CSMD1: variants seen among roughly 807,000 people sequenced by gnomAD.
CSMD1 encodes CUB and sushi domain-containing protein 1.
In CSMD1, 213 loss-of-function variants were observed where a neutral mutation model predicts 417.5. The observed-to-expected ratio is 0.51, with a 90% CI of 0.46 to 0.57. The LOEUF is 0.57. Ranked by LOEUF, CSMD1 falls within the 20% of genes least tolerant of loss-of-function variation. The pLI is 0.00. For synonymous variants in CSMD1, 2,862 were observed against 1,736.8 expected (o/e 1.65, Z -16.11); for missense variants, 6,923 against 4,529.7 (o/e 1.53, Z -15.17).
chr8:4,059,828 G>C (rs957556054), intron 3 of CSMD1, among the ~76,000 whole-genome samples: 3 of 149,910 alleles, frequency 2.0e-5, no homozygotes, highest in Admixed American at 6.6e-5. Context: ...AAGAGTCCAG[G>C]ACCAGATGGA....
In CSMD1 at chr8:3,315,488, T is replaced by TTATC. The variant is rs1328944889; in HGVS notation, c.3632-6986_3632-6985insGATA. On this transcript the variant is annotated intron_variant, in intron 23 of 69. Transcript: ENST00000635120. Reference sequence around the variant, plus strand: ...ATTTTTAAACTATCTTTTAAATTATTTATGGTTTTTTAAGCTACAGATGCT... The same window carrying TTATC: ...ATTTTTAAACTATCTTTTAAATTATTTATCTATGGTTTTTTAAGCTACAGATGCT... Among the ~76,000 whole-genome samples, 255 of 146,748 alleles carry TTATC rather than the reference T, an allele frequency of 1.7e-3. 1 individual carries two copies. The highest frequency in any genetic ancestry group is 6.1e-3 in the African/African-American group (242 of 39,996).
At chr8:4,031,789 G>A in intron 4 of CSMD1, 116 bp downstream of exon 4, 2 of 718,708 alleles carry the variant, frequency 2.8e-6, no homozygotes, top group South Asian at 2.9e-5. Flanking sequence ...AGCTGACATT[G>A]TAAGAGTCAG....
intron 12 of CSMD1, among the ~76,000 whole-genome samples, chr8:3,431,580 G>A (rs1282535445): frequency 6.6e-6 from 1 of 151,980 alleles, no homozygotes; most frequent in Non-Finnish European, 1.5e-5. Flanking sequence ...TACTTTACTT[G>A]AATTTTCTTC....
At chr8:4,339,850 C>T (rs1488441487) in intron 3 of CSMD1, among the ~76,000 whole-genome samples, 1 of 151,954 alleles carries the variant, frequency 6.6e-6, no homozygotes, top group Non-Finnish European at 1.5e-5. Flanking sequence ...AAAGTAAGAC[C>T]TCATCTCTAC....
intron 7 of CSMD1, among the ~76,000 whole-genome samples, chr8:3,705,150 G>C (rs879298567): frequency 6.6e-6 from 1 of 152,218 alleles, no homozygotes; most frequent in Non-Finnish European, 1.5e-5. Flanking sequence ...CACCACCAGG[G>C]ACAGGGCAGT....
intron 10 of CSMD1, among the ~76,000 whole-genome samples, chr8:3,555,096 A>G (rs949132000): frequency 1.3e-5 from 2 of 151,972 alleles, no homozygotes; most frequent in African/African-American, 4.8e-5. Context: ...CAGCCGTAGG[A>G]CCCGTGACAG....
chr8:4,047,222 G>C (rs914045401), intron 3 of CSMD1, among the ~76,000 whole-genome samples: 6 of 152,122 alleles, frequency 3.9e-5, no homozygotes, highest in Non-Finnish European at 8.8e-5. Context: ...ATTTCAGTCT[G>C]ACTCTAGTGT....
chr8:4,183,831 C>T (rs781268105), intron 3 of CSMD1, among the ~76,000 whole-genome samples: 1 of 152,178 alleles, frequency 6.6e-6, no homozygotes, highest in African/African-American at 2.4e-5. Context: ...TGTCTCCCCT[C>T]CTGGATTGCC....
At chr8:4,025,897 T>G (rs1313762390) in intron 4 of CSMD1, among the ~76,000 whole-genome samples, 1 of 152,082 alleles carries the variant, frequency 6.6e-6, no homozygotes, top group Non-Finnish European at 1.5e-5. Flanking sequence ...TATAATACAT[T>G]TAGGTGTCAT....
At chr8:3,248,725 G>T (rs947652131) in intron 26 of CSMD1, among the ~76,000 whole-genome samples, 1 of 151,940 alleles carries the variant, frequency 6.6e-6, no homozygotes, top group Non-Finnish European at 1.5e-5. Context: ...CTGCCAAACA[G>T]CTTTGACTAA....
chr8:4,358,435 T>A (rs1279766937), intron 3 of CSMD1, among the ~76,000 whole-genome samples: 1 of 152,238 alleles, frequency 6.6e-6, no homozygotes, highest in African/African-American at 2.4e-5. Flanking sequence ...CAAATTTCAG[T>A]GTCCACACAG....
intron 5 of CSMD1, among the ~76,000 whole-genome samples, chr8:3,848,543 T>A (rs1338980216): frequency 3.3e-5 from 5 of 152,222 alleles, no homozygotes; most frequent in Non-Finnish European, 5.9e-5. Flanking sequence ...ATTTACTCAA[T>A]ACCACTTTAA....
chr8:3,965,598 T>C (rs945583520), intron 5 of CSMD1, among the ~76,000 whole-genome samples: 16 of 152,046 alleles, frequency 1.1e-4, no homozygotes, highest in African/African-American at 3.4e-4. Context: ...GTTATGATTT[T>C]TTAAAATTTC....
Position 3,932,072 on chromosome 8 carries a change from T to C in CSMD1, c.818+65831A>G, listed in dbSNP as rs183914322. Among the ~76,000 whole-genome samples the C allele has an allele frequency of 1.4e-4, 21 of 150,562 alleles. 1 individual carries two copies. Among genetic ancestry groups the C allele is most frequent in the African/African-American group, 4.9e-4 (20 of 40,914 alleles). On this transcript the variant is annotated intron_variant, in intron 5 of 69. Coordinates refer to ENST00000635120, the MANE Select transcript of CSMD1 (RefSeq NM_033225.6). ...CAGAGAGTAGGATTCAATATAAACA[T>C]ATCTATTGGAATGACACACATCCAG...
chr8:3,175,531 TCC>T (rs1193567344), intron 37 of CSMD1, among the ~76,000 whole-genome samples: 37 of 146,986 alleles, frequency 2.5e-4, no homozygotes, highest in Non-Finnish European at 4.5e-4. Context: ...CTTCCTTCCT[TCC>T]TTCTTCCCTC....
chr8:4,156,468 T>C (rs552927826), intron 3 of CSMD1, among the ~76,000 whole-genome samples: 177 of 152,324 alleles, frequency 1.2e-3, no homozygotes, highest in African/African-American at 3.9e-3. Flanking sequence ...AACTCTTTTA[T>C]TGAGCATTTT....
intron 5 of CSMD1, among the ~76,000 whole-genome samples, chr8:3,777,896 C>T (rs975926033): frequency 6.6e-6 from 1 of 151,400 alleles, no homozygotes; most frequent in East Asian, 1.9e-4. Flanking sequence ...AGCGCAGAGT[C>T]TCAGTTCCCA....
intron 5 of CSMD1, among the ~76,000 whole-genome samples, chr8:3,933,730 C>G (rs1042754074): frequency 6.6e-6 from 1 of 152,090 alleles, no homozygotes; most frequent in African/African-American, 2.4e-5. Context: ...TTCAAAAATC[C>G]TAAAGGAGAA....
chr8:4,110,177 A>G (rs1224579660), intron 3 of CSMD1, among the ~76,000 whole-genome samples: 1 of 152,176 alleles, frequency 6.6e-6, no homozygotes, highest in Non-Finnish European at 1.5e-5. Flanking sequence ...CATCTGGATC[A>G]CATATCTAAA....
Sources: allele counts gnomAD v4.1 joint callset (sites outside exome capture counted in the v4.1 genomes callset), GRCh38; gene constraint gnomAD v4.1.1; transcripts MANE v1.5; gene names NCBI Gene and HGNC (gene_info 2026-07-23, HGNC 2026-07-21).